TANGO6: variants seen among roughly 807,000 people sequenced by gnomAD.
The protein encoded by TANGO6 is transport and golgi organization 6 homolog.
TANGO6 carries 90 observed loss-of-function variants against 114.2 expected under a neutral mutation model. The ratio of observed to expected loss-of-function variants is 0.79; its 90% confidence interval spans 0.66 to 0.94. TANGO6 has a LOEUF of 0.94. TANGO6 is among the 40% of genes least tolerant of loss of function. The pLI is 0.00. For missense variants in TANGO6, 1,274 were observed against 1,315.3 expected (o/e 0.97, Z 0.49); for synonymous variants, 477 against 509.8 (o/e 0.94, Z 0.87).
At chr16:68,874,604 A>G (rs1962327237) in intron 4 of TANGO6, among the ~76,000 whole-genome samples, 1 of 152,222 alleles carries the variant, frequency 6.6e-6, no homozygotes, top group African/African-American at 2.4e-5. Flanking sequence ...TAATATCATT[A>G]TAGTGACTAA....
At chr16:69,020,124 A>T (rs964997526) in intron 15 of TANGO6, among the ~76,000 whole-genome samples, 1 of 152,158 alleles carries the variant, frequency 6.6e-6, no homozygotes, top group East Asian at 1.9e-4. Context: ...CAGAAAATCA[A>T]ATGTCCCAGT....
At chr16:68,963,817 A>G (rs1474509931) in intron 14 of TANGO6, among the ~76,000 whole-genome samples, 1 of 152,010 alleles carries the variant, frequency 6.6e-6, no homozygotes, top group Non-Finnish European at 1.5e-5. Flanking sequence ...AGATCCAGCA[A>G]CTCTATCATG....
chr16:69,012,564 AAAAAAAAAAAAAAAGG>A (rs1450770856), intron 15 of TANGO6, among the ~76,000 whole-genome samples: 91 of 144,540 alleles, frequency 6.3e-4, no homozygotes, highest in Middle Eastern at 7.3e-3. Flanking sequence ...CTCAAAAAAA[AAAAAAAAAAAAAAAGG>A]AAAAAAAAAA....
At chr16:68,866,156 GTCTGTT>G (rs767967594) in intron 3 of TANGO6, among the ~76,000 whole-genome samples, 110 of 151,644 alleles carry the variant, frequency 7.3e-4, no homozygotes, top group Middle Eastern at 3.4e-3. Context: ...TGATGCGTTT[GTCTGTT>G]TCTGAGTTTG....
At chr16:69,061,727 T>C (rs907769527) in intron 17 of TANGO6, among the ~76,000 whole-genome samples, 1 of 151,670 alleles carries the variant, frequency 6.6e-6, no homozygotes, top group African/African-American at 2.4e-5. Flanking sequence ...TCCTACAGAA[T>C]GCATTTCCGG....
chr16:68,862,942 T>G lies in TANGO6; in HGVS notation c.736-3T>G. ...ACTAAAGCCAAGTGCATATTTCTTT[T>G]AGGTTCTAACTGAAGAGGAGAGAAC... On this transcript the variant is annotated splice_region_variant and splice_polypyrimidine_tract_variant and intron_variant, in intron 2 of 17. Transcript: ENST00000261778. 1 of 1,577,160 alleles carries G rather than the reference T, an allele frequency of 6.3e-7. No individual in the cohort carries two copies. The highest frequency in any genetic ancestry group is 8.6e-7 in the Non-Finnish European group (1 of 1,159,688).
At chr16:68,928,945 G>T (rs146527725) in intron 13 of TANGO6, among the ~76,000 whole-genome samples, 2 of 151,842 alleles carry the variant, frequency 1.3e-5, no homozygotes, top group African/African-American at 4.8e-5. Context: ...TTGAGACAGG[G>T]TCTCGCTCCG....
At chr16:68,845,476 T>C (rs1192566572) in intron 1 of TANGO6, among the ~76,000 whole-genome samples, 3 of 152,226 alleles carry the variant, frequency 2.0e-5, no homozygotes, top group African/African-American at 7.2e-5. Context: ...CGTGAAATTA[T>C]ATTATTTTGT....
chr16:68,961,504 G>C (rs963320067), intron 14 of TANGO6, among the ~76,000 whole-genome samples: 1 of 152,200 alleles, frequency 6.6e-6, no homozygotes, highest in South Asian at 2.1e-4. Flanking sequence ...AAGTGCTTAC[G>C]ACTGTACAAG....
At chr16:68,887,477 C>G (rs1962554637) in intron 7 of TANGO6, among the ~76,000 whole-genome samples, 1 of 152,024 alleles carries the variant, frequency 6.6e-6, no homozygotes, top group Non-Finnish European at 1.5e-5. Context: ...GAAAGAACAC[C>G]AAAAAACTAC....
At chr16:68,950,791 G>A (rs13380510) in intron 14 of TANGO6, among the ~76,000 whole-genome samples, 3,173 of 152,110 alleles carry the variant, frequency 0.021, 113 homozygotes, top group African/African-American at 0.072. Context: ...CCTGGGAGGC[G>A]GAGGTTGCAG....
chr16:68,846,260 A>AGG (rs1961801308), intron 1 of TANGO6, among the ~76,000 whole-genome samples: 1 of 152,024 alleles, frequency 6.6e-6, no homozygotes, highest in Non-Finnish European at 1.5e-5. Context: ...TCCTGACCTC[A>AGG]GGTGATCTGC....
chr16:68,899,074 A>C (rs988953333), intron 7 of TANGO6, among the ~76,000 whole-genome samples: 1 of 151,678 alleles, frequency 6.6e-6, no homozygotes, highest in Admixed American at 6.6e-5. Context: ...GGAGTTCGAG[A>C]CCAGCCTGAA....
Position 68,907,477 on chromosome 16 carries a change from G to T in TANGO6, c.1702G>T (p.Val568Leu), listed in dbSNP as rs576113124. Residue 568 changes from valine to leucine, a missense_variant, in exon 10 of 18, where the codon GTA (valine) becomes TTA (leucine). Transcript: ENST00000261778. ...TGAAGATGAAGCCCTGTACCAGAAG[G>T]TATCCTCTGAGCAGGGCCGGGTGGA... ...EDEDEALYQK[V>L]SSEQGRVEHL... The T allele has an allele frequency of 1.2e-6, 2 of 1,611,958 alleles. No homozygotes were observed. Among genetic ancestry groups the T allele is most frequent in the South Asian group, 1.1e-5 (1 of 90,632 alleles).
intron 17 of TANGO6, among the ~76,000 whole-genome samples, chr16:69,071,390 T>C (rs1960295490): frequency 6.6e-6 from 1 of 152,220 alleles, no homozygotes; most frequent in African/African-American, 2.4e-5. Context: ...TGGAAAAACC[T>C]CTGCTAGATC....
intron 9 of TANGO6, among the ~76,000 whole-genome samples, chr16:68,903,477 G>T (rs1445158332): frequency 6.6e-6 from 1 of 150,638 alleles, no homozygotes; most frequent in South Asian, 2.1e-4. Flanking sequence ...AAATTAGCCA[G>T]GCATGGTAGT....
intron 11 of TANGO6, among the ~76,000 whole-genome samples, chr16:68,918,320 T>G (rs1363310835): frequency 1.3e-5 from 2 of 152,230 alleles, no homozygotes; most frequent in African/African-American, 4.8e-5. Context: ...CTCTTTGTAT[T>G]CTCTTGACAG....
intron 11 of TANGO6, among the ~76,000 whole-genome samples, chr16:68,909,817 G>A (rs962830272): frequency 1.3e-5 from 2 of 152,052 alleles, no homozygotes; most frequent in Non-Finnish European, 2.9e-5. Flanking sequence ...ATGATCTAAG[G>A]TGTATCAAAA....
At chr16:68,914,683 A>G (rs1367038317) in intron 11 of TANGO6, among the ~76,000 whole-genome samples, 10 of 152,186 alleles carry the variant, frequency 6.6e-5, no homozygotes, top group Non-Finnish European at 1.3e-4. Flanking sequence ...TAAATTTTAG[A>G]ACAGGCTTCA....
Sources: gnomAD v4.1 joint callset for allele counts (sites outside exome capture counted in the v4.1 genomes callset) on GRCh38, gnomAD v4.1.1 for gene constraint, MANE v1.5 for transcripts, NCBI Gene and HGNC (gene_info 2026-07-23, HGNC 2026-07-21) for gene names.